The following KIF26B variants were observed in gnomAD, a reference collection of about 807,000 sequenced individuals.
KIF26B encodes the protein kinesin family member 26B, also known as kinesin-like protein KIF26B.
In KIF26B, 63 loss-of-function variants were observed where a neutral mutation model predicts 151.2. That is an observed-to-expected ratio of 0.42 (90% CI 0.34 to 0.51). KIF26B has a LOEUF of 0.51. Ranked by LOEUF, KIF26B falls within the 20% of genes least tolerant of loss-of-function variation. The pLI, the probability that KIF26B is intolerant of heterozygous loss-of-function variation, is 0.07. For synonymous variants in KIF26B, 1,357 were observed against 1,262.1 expected, an observed-to-expected ratio of 1.08 and a Z score of -1.59; for missense variants, 2,813 against 2,913.6, an observed-to-expected ratio of 0.97 and a Z score of 0.79.
intron 2 of KIF26B, among the ~76,000 whole-genome samples, chr1:245,361,424 T>G (rs1008747983): frequency 6.6e-6 from 1 of 152,230 alleles, no homozygotes; most frequent in Non-Finnish European, 1.5e-5. Context: ...TCTGTGAACT[T>G]ATTACCCAGC....
At chr1:245,305,662 G>C (rs1671521585) in intron 2 of KIF26B, among the ~76,000 whole-genome samples, 1 of 152,186 alleles carries the variant, frequency 6.6e-6, no homozygotes, top group Non-Finnish European at 1.5e-5. Flanking sequence ...AATGAGGCCG[G>C]TCGCAGTGGC....
At chr1:245,671,724 T>C (rs924092111) in intron 10 of KIF26B, among the ~76,000 whole-genome samples, 5 of 152,242 alleles carry the variant, frequency 3.3e-5, no homozygotes, top group Non-Finnish European at 7.3e-5. Context: ...CTTTTCCCCT[T>C]GTTTTTCTGA....
chr1:245,518,108 G>C (rs1313498592), intron 4 of KIF26B, among the ~76,000 whole-genome samples: 1 of 152,056 alleles, frequency 6.6e-6, no homozygotes, highest in Non-Finnish European at 1.5e-5. Context: ...CTGACCTTGT[G>C]ATCCACCTGC....
At chr1:245,701,860 C>T (rs1026042329) in intron 14 of KIF26B, among the ~76,000 whole-genome samples, 1 of 152,162 alleles carries the variant, frequency 6.6e-6, no homozygotes, top group Admixed American at 6.5e-5. Flanking sequence ...GGACCTGGGC[C>T]AGGCAGCCCA....
At chr1:245,225,628 TC>T (rs1384171853) in intron 2 of KIF26B, among the ~76,000 whole-genome samples, 1 of 152,238 alleles carries the variant, frequency 6.6e-6, no homozygotes, top group Non-Finnish European at 1.5e-5. Context: ...GGTTCTTCCC[TC>T]GTCTTCCAAG....
intron 2 of KIF26B, among the ~76,000 whole-genome samples, chr1:245,157,410 A>G (rs1390712069): frequency 6.6e-6 from 1 of 152,246 alleles, no homozygotes; most frequent in Admixed American, 6.5e-5. Context: ...AAGAGTTTTT[A>G]TCAGTGGTTA....
chr1:245,567,688 T>C (rs530548167), intron 5 of KIF26B, among the ~76,000 whole-genome samples: 2 of 152,258 alleles, frequency 1.3e-5, no homozygotes, highest in Non-Finnish European at 2.9e-5. Flanking sequence ...AACCAACTTA[T>C]TTGCCAAATG....
Position 245,688,290 on chromosome 1 carries a change from G to T in KIF26B, c.5307G>T (p.Gln1769His). ...AGTCCCTGCCGCAGGCGGTGGGCCA[G>T]GGCTCCAGCTCGCCCCCCGGTGGGA... ...STKSLPQAVG[Q>H]GSSSPPGGKH... The change falls in exon 12 of 15, where the codon CAG (glutamine) becomes CAT (histidine). Residue 1769 changes from glutamine to histidine, a missense_variant. Physicochemically the swap from Gln to His is conservative, Grantham distance 24 (BLOSUM62 0). Around this residue, in one of 3 missense-constraint regions of KIF26B, gnomAD observed 2,060 missense variants for 2,088.6 expected, o/e 0.99. Transcript: ENST00000407071. 1 of 1,596,478 alleles carries T rather than the reference G, an allele frequency of 6.3e-7. No homozygotes were observed. Among genetic ancestry groups the T allele is most frequent in the Non-Finnish European group, 8.5e-7 (1 of 1,178,304 alleles).
intron 2 of KIF26B, among the ~76,000 whole-genome samples, chr1:245,285,998 TA>T (rs34582895): frequency 0.13 from 14,708 of 110,514 alleles, 937 homozygotes; most frequent in African/African-American, 0.22. Flanking sequence ...ACCCTCTCTC[TA>T]AAAAAAAAAA....
intron 2 of KIF26B, among the ~76,000 whole-genome samples, chr1:245,350,050 TA>T (rs142572009): frequency 0.038 from 5,780 of 151,282 alleles, 332 homozygotes; most frequent in East Asian, 0.25. Context: ...TATATATATA[TA>T]TTTTTTTTTC....
At chr1:245,390,943 A>AAAAAAC (rs1553270130) in intron 3 of KIF26B, among the ~76,000 whole-genome samples, 12 of 118,456 alleles carry the variant, frequency 1.0e-4, no homozygotes, top group African/African-American at 4.5e-4. Context: ...AAAAAAAAAA[A>AAAAAAC]AAAAAAAAAC....
chr1:245,556,117 AATGCTGGCT>A (rs1350474768), intron 5 of KIF26B, among the ~76,000 whole-genome samples: 4 of 152,184 alleles, frequency 2.6e-5, no homozygotes, highest in African/African-American at 4.8e-5. Context: ...TCTGCCTGGC[AATGCTGGCT>A]ATGCTGGCTA....
At chr1:245,235,381 C>T (rs1670085726) in intron 2 of KIF26B, among the ~76,000 whole-genome samples, 1 of 151,754 alleles carries the variant, frequency 6.6e-6, no homozygotes, top group African/African-American at 2.4e-5. Context: ...GGCTCGAGGC[C>T]AGGAGTTCCA....
chr1:245,505,065 A>G (rs1276536854), intron 4 of KIF26B, among the ~76,000 whole-genome samples: 1 of 151,428 alleles, frequency 6.6e-6, no homozygotes, highest in Admixed American at 6.6e-5. Context: ...CAGCCTCCCA[A>G]GTAGTTGGGA....
intron 2 of KIF26B, among the ~76,000 whole-genome samples, chr1:245,363,963 C>A (rs1672879988): frequency 6.6e-6 from 1 of 152,120 alleles, no homozygotes; most frequent in Non-Finnish European, 1.5e-5. Context: ...GTCTTGTGAA[C>A]CCCGGCGGAG....
intron 2 of KIF26B, among the ~76,000 whole-genome samples, chr1:245,242,834 C>T (rs963302003): frequency 3.9e-5 from 6 of 151,954 alleles, no homozygotes; most frequent in East Asian, 1.9e-4. Context: ...GTATTTTTAG[C>T]AGAGACGGGG....
intron 5 of KIF26B, among the ~76,000 whole-genome samples, chr1:245,587,479 G>A (rs567975004): frequency 4.6e-5 from 7 of 152,264 alleles, no homozygotes; most frequent in African/African-American, 1.7e-4. Flanking sequence ...TTATCTTCTA[G>A]ACTCATTTGG....
chr1:245,427,299 A>T (rs565980913), intron 4 of KIF26B, among the ~76,000 whole-genome samples: 17 of 152,302 alleles, frequency 1.1e-4, no homozygotes, highest in African/African-American at 4.1e-4. Context: ...CCATTATGAT[A>T]GAATGATGCC....
intron 5 of KIF26B, among the ~76,000 whole-genome samples, chr1:245,561,794 G>A (rs557857951): frequency 1.5e-4 from 23 of 152,280 alleles, no homozygotes; most frequent in African/African-American, 4.8e-4. Flanking sequence ...TCAATCCTAC[G>A]TCTGTGCACA....
Sources: gnomAD v4.1 joint callset for allele counts (sites outside exome capture counted in the v4.1 genomes callset) on GRCh38, gnomAD v4.1.1 for gene constraint, gnomAD v4.1.1 regional missense constraint, MANE v1.5 for transcripts, NCBI Gene and HGNC (gene_info 2026-07-23, HGNC 2026-07-21) for gene names.